The following FARS2 variants were observed in gnomAD, a reference collection of about 807,000 sequenced individuals.
The protein encoded by FARS2 is phenylalanine--tRNA ligase, mitochondrial.
A neutral mutation model predicts 46.4 loss-of-function variants in FARS2; 40 were observed. The observed-to-expected ratio is 0.86, with a 90% CI of 0.67 to 1.12. FARS2 has a LOEUF of 1.12. Ranked by LOEUF, FARS2 falls within the 50% of genes most tolerant of loss-of-function variation. FARS2 has a pLI of 0.00. For missense variants in FARS2, 513 were observed against 567.9 expected, an observed-to-expected ratio of 0.90 and a Z score of 0.98; for synonymous variants, 234 against 214.9, an observed-to-expected ratio of 1.09 and a Z score of -0.78.
chr6:5,593,330 A>G (rs1774026495), intron 5 of FARS2, among the ~76,000 whole-genome samples: 1 of 150,328 alleles, frequency 6.7e-6, no homozygotes, highest in Non-Finnish European at 1.5e-5. Context: ...CTTTCCAAAC[A>G]CAGAGGTGCA....
At chr6:5,439,327 A>G (rs1330288940) in intron 4 of FARS2, among the ~76,000 whole-genome samples, 3 of 151,862 alleles carry the variant, frequency 2.0e-5, no homozygotes, top group Non-Finnish European at 4.4e-5. Flanking sequence ...ATACCCTCAG[A>G]CTCCTCAACT....
intron 2 of FARS2, among the ~76,000 whole-genome samples, chr6:5,399,147 T>G (rs1761091283): frequency 7.8e-6 from 1 of 128,980 alleles, no homozygotes; most frequent in African/African-American, 2.8e-5. Flanking sequence ...TTATTATTAT[T>G]ATTATTATTA....
chr6:5,634,792 C>G (rs543464704), intron 6 of FARS2, among the ~76,000 whole-genome samples: 2 of 152,332 alleles, frequency 1.3e-5, no homozygotes, highest in East Asian at 3.9e-4. Flanking sequence ...CCAGAAGTAA[C>G]TGGAATGCAA....
chr6:5,356,623 T>C (rs1026952170), intron 1 of FARS2, among the ~76,000 whole-genome samples: 16 of 152,150 alleles, frequency 1.1e-4, no homozygotes, highest in African/African-American at 3.9e-4. Flanking sequence ...TGGCTGTGAG[T>C]GCAATGTTCA....
chr6:5,584,806 C>A (rs1773527504), intron 5 of FARS2, among the ~76,000 whole-genome samples: 1 of 152,140 alleles, frequency 6.6e-6, no homozygotes, highest in African/African-American at 2.4e-5. Flanking sequence ...CATGGAAACT[C>A]ATCTGTGAAA....
At chr6:5,621,354 A>G (rs1463548353) in intron 6 of FARS2, among the ~76,000 whole-genome samples, 2 of 151,868 alleles carry the variant, frequency 1.3e-5, no homozygotes, top group African/African-American at 4.8e-5. Context: ...GCCTCCTAAA[A>G]TGTTGGGATT....
intron 6 of FARS2, among the ~76,000 whole-genome samples, chr6:5,738,575 A>C (rs1050519403): frequency 2.6e-5 from 4 of 152,242 alleles, no homozygotes; most frequent in African/African-American, 9.6e-5. Flanking sequence ...CATAATTATA[A>C]GGGATGTTTT....
chr6:5,642,085 A>T (rs1161817931), intron 6 of FARS2, among the ~76,000 whole-genome samples: 1 of 152,186 alleles, frequency 6.6e-6, no homozygotes, highest in African/African-American at 2.4e-5. Flanking sequence ...AAGGACTCAC[A>T]CTAATACTAC....
the FARS2 span, among the ~76,000 whole-genome samples, chr6:5,253,329 A>G: frequency 6.6e-6 from 1 of 152,190 alleles, no homozygotes; most frequent in Admixed American, 6.5e-5. Context: ...TGCAAAAGGA[A>G]TGCAGTTTTT....
intron 6 of FARS2, among the ~76,000 whole-genome samples, chr6:5,739,938 G>C (rs73720205): frequency 1.3e-5 from 2 of 152,152 alleles, no homozygotes; most frequent in Non-Finnish European, 2.9e-5. Context: ...GCAACTCTAC[G>C]AGGTAGATAC....
chr6:5,496,924 T>C (rs1271168028), intron 4 of FARS2, among the ~76,000 whole-genome samples: 2 of 152,110 alleles, frequency 1.3e-5, no homozygotes, highest in African/African-American at 4.8e-5. Context: ...CCTCAAGCAG[T>C]CCTCCCACCT....
chr6:5,443,355 A>G (rs989392434), intron 4 of FARS2, among the ~76,000 whole-genome samples: 2 of 152,176 alleles, frequency 1.3e-5, no homozygotes, highest in African/African-American at 2.4e-5. Flanking sequence ...GTATTGTTCC[A>G]AGTTCTTCAC....
intron 1 of FARS2, among the ~76,000 whole-genome samples, chr6:5,286,298 T>C (rs534761585): frequency 6.6e-6 from 1 of 152,310 alleles, no homozygotes; most frequent in African/African-American, 2.4e-5. Context: ...AGTCTCACTT[T>C]GTCACCCAGG....
At chr6:5,453,662 T>C (rs935960943) in intron 4 of FARS2, among the ~76,000 whole-genome samples, 1 of 152,184 alleles carries the variant, frequency 6.6e-6, no homozygotes, top group African/African-American at 2.4e-5. Flanking sequence ...TCCAAAACCC[T>C]GTTTTTTATC....
chr6:5,430,740 A>G (rs1763114535), intron 3 of FARS2, among the ~76,000 whole-genome samples: 1 of 152,130 alleles, frequency 6.6e-6, no homozygotes, highest in African/African-American at 2.4e-5. Flanking sequence ...TTGCTTTCCC[A>G]TGATCTTGGC....
At position 5,311,683 on chromosome 6, in the gene FARS2, G is replaced by T. The variant is rs998378371; in HGVS notation, c.-22+50023G>T. On this transcript the variant is annotated intron_variant, in intron 1 of 6. Coordinates refer to ENST00000274680, the MANE Select transcript of FARS2 (RefSeq NM_006567.5). The surrounding 1 kb of genome is among the most constrained non-coding windows in gnomAD (Gnocchi z 4.1). ...TAAGATTGAGAGTTTCTCAGTTTTT[G>T]ACCTGGGTGTCTTATTTAGCTAAGA... Among the ~76,000 whole-genome samples, 1 of 152,088 alleles carries T rather than the reference G, an allele frequency of 6.6e-6. No homozygotes were observed. Among genetic ancestry groups the T allele is most frequent in the African/African-American group, 2.4e-5 (1 of 41,400 alleles).
chr6:5,347,950 T>C (rs1394988531), intron 1 of FARS2, among the ~76,000 whole-genome samples: 1 of 152,238 alleles, frequency 6.6e-6, no homozygotes, highest in Admixed American at 6.5e-5. Context: ...CAACCACTTT[T>C]TCATGTGTTT....
chr6:5,372,330 A>G (rs758910643), intron 2 of FARS2, among the ~76,000 whole-genome samples: 7 of 152,168 alleles, frequency 4.6e-5, no homozygotes, highest in Non-Finnish European at 1.0e-4. Context: ...AGCCATAAAC[A>G]TATATATACA....
chr6:5,663,575 A>G (rs1474017537), intron 6 of FARS2, among the ~76,000 whole-genome samples: 3 of 152,210 alleles, frequency 2.0e-5, no homozygotes, highest in Non-Finnish European at 2.9e-5. Context: ...CCACTAAAGA[A>G]AAAGTGGAGA....
Sources: gnomAD v4.1 joint callset for allele counts (sites outside exome capture counted in the v4.1 genomes callset) on GRCh38, gnomAD v4.1.1 for gene constraint, Gnocchi (gnomAD v3.1) non-coding constraint, MANE v1.5 for transcripts, NCBI Gene and HGNC (gene_info 2026-07-23, HGNC 2026-07-21) for gene names.